The following CCDC25 variants were observed in gnomAD, a reference collection of about 807,000 sequenced individuals.
CCDC25 encodes coiled-coil domain containing 25.
A neutral mutation model predicts 35.3 loss-of-function variants in CCDC25; 16 were observed. The observed-to-expected ratio is 0.45, with a 90% CI of 0.31 to 0.69. The LOEUF (loss-of-function observed/expected upper bound fraction) is 0.69, where lower values mean the gene tolerates loss of function less well. CCDC25 is among the 30% of genes least tolerant of loss of function. CCDC25 has a pLI of 0.06. For missense variants in CCDC25, 179 were observed against 250.7 expected (o/e 0.71, Z 1.93); for synonymous variants, 79 against 80.3 (o/e 0.98, Z 0.09).
intron 7 of CCDC25, among the ~76,000 whole-genome samples, chr8:27,741,830 T>C (rs1434369228): frequency 2.0e-5 from 3 of 152,220 alleles, no homozygotes; most frequent in Non-Finnish European, 4.4e-5. Flanking sequence ...CCAGAGTATT[T>C]TAAGCCCATT....
intron 7 of CCDC25, among the ~76,000 whole-genome samples, chr8:27,741,829 T>G (rs1803450778): frequency 1.3e-5 from 2 of 152,164 alleles, no homozygotes; most frequent in South Asian, 4.1e-4. Context: ...ACCAGAGTAT[T>G]TTAAGCCCAT....
intron 8 of CCDC25, among the ~76,000 whole-genome samples, chr8:27,739,643 G>A (rs7819091): frequency 0.029 from 4,467 of 152,204 alleles, 238 homozygotes; most frequent in African/African-American, 0.1. Flanking sequence ...TATGTTATAT[G>A]CAAATACTAC....
At chr8:27,768,973 A>C (rs1422155261) in intron 1 of CCDC25, among the ~76,000 whole-genome samples, 1 of 152,246 alleles carries the variant, frequency 6.6e-6, no homozygotes, top group Non-Finnish European at 1.5e-5. Context: ...AAAATGGAAC[A>C]CATTTTAGTC....
intron 2 of CCDC25, among the ~76,000 whole-genome samples, chr8:27,763,733 T>G (rs1563458675): frequency 6.6e-6 from 1 of 151,888 alleles, no homozygotes; most frequent in Non-Finnish European, 1.5e-5. Flanking sequence ...AATAAATAAA[T>G]AAATAAATTG....
At chr8:27,760,275 G>C (rs562335551) in intron 3 of CCDC25, among the ~76,000 whole-genome samples, 142 of 152,318 alleles carry the variant, frequency 9.3e-4, no homozygotes, top group African/African-American at 3.2e-3. Context: ...AAGTCAGGTA[G>C]AAGGCTGTGG....
Position 27,762,410 on chromosome 8 carries a change from G to C in CCDC25, c.116+9C>G. Reference sequence around the variant, plus strand: ...ATCTACAGAGGGCAGAACCAAAATTGTTACTTACCAGATATCTTCAGGCCA... The same window carrying C: ...ATCTACAGAGGGCAGAACCAAAATTCTTACTTACCAGATATCTTCAGGCCA... On this transcript the variant is annotated intron_variant, in intron 3 of 8. Transcript: ENST00000356537. The C allele has an allele frequency of 1.2e-6, 2 of 1,612,596 alleles. No homozygotes were observed. Among genetic ancestry groups the C allele is most frequent in the Non-Finnish European group, 1.7e-6 (2 of 1,179,222 alleles).
chr8:27,739,934 T>A (rs555903663), intron 8 of CCDC25, among the ~76,000 whole-genome samples: 1 of 152,190 alleles, frequency 6.6e-6, no homozygotes, highest in African/African-American at 2.4e-5. Flanking sequence ...AGACGCAATG[T>A]TAAGAAGATC....
intron 1 of CCDC25, 113 bp from the exon 2 acceptor site, chr8:27,765,364 G>C (rs1804366226): frequency 1.2e-6 from 1 of 859,478 alleles, no homozygotes; most frequent in Admixed American, 3.8e-5. Flanking sequence ...CATGGCCCAT[G>C]ATCCAAATCC....
chr8:27,768,623 A>C (rs1804485729), intron 1 of CCDC25, among the ~76,000 whole-genome samples: 2 of 152,152 alleles, frequency 1.3e-5, no homozygotes, highest in South Asian at 4.1e-4. Context: ...TTGCTGCACA[A>C]CAAGTCTGAA....
At chr8:27,767,563 CAA>C (rs1459076191) in intron 1 of CCDC25, among the ~76,000 whole-genome samples, 3 of 152,054 alleles carry the variant, frequency 2.0e-5, no homozygotes, top group African/African-American at 4.8e-5. Flanking sequence ...CCATGAAAGA[CAA>C]AGACTGAGCA....
At chr8:27,739,398 T>C (rs958291792) in intron 8 of CCDC25, among the ~76,000 whole-genome samples, 2 of 152,102 alleles carry the variant, frequency 1.3e-5, no homozygotes, top group Non-Finnish European at 2.9e-5. Context: ...AAATCTGAGG[T>C]TTGACTAGAT....
intron 1 of CCDC25, chr8:27,772,148 G>A (rs956325359): frequency 3.5e-5 from 13 of 366,524 alleles, no homozygotes; most frequent in African/African-American, 8.3e-5. Flanking sequence ...GGTTCAGCCA[G>A]AACAAAGGCC....
At chr8:27,747,810 G>A in intron 7 of CCDC25, 1 of 426,074 alleles carries the variant, frequency 2.3e-6, no homozygotes, top group Non-Finnish European at 4.2e-6. Context: ...CCAAACTAGG[G>A]ATAACCTATG....
chr8:27,768,479 C>T (rs912755125), intron 1 of CCDC25, among the ~76,000 whole-genome samples: 6 of 149,614 alleles, frequency 4.0e-5, no homozygotes, highest in Non-Finnish European at 7.4e-5. Context: ...GCAAGAGAAT[C>T]GCTTGAACCT....
At position 27,737,871 on chromosome 8, in the gene CCDC25, T is replaced by C. The variant is rs1034593344; in HGVS notation, c.598-1626A>G. Among the ~76,000 whole-genome samples, 2 of 121,702 alleles carry C rather than the reference T, an allele frequency of 1.6e-5. No individual in the cohort carries two copies. The highest frequency in any genetic ancestry group is 6.9e-5 in the African/African-American group (2 of 29,190). 79.8% of individuals were successfully genotyped at this position (121,702 alleles called of 152,430 possible). ...GAGTGGATAAAGAAACTGTGGTGTG[T>C]GTATACACACACTCACACACACACA... On this transcript the variant is annotated intron_variant, in intron 8 of 8. Coordinates refer to ENST00000356537, the MANE Select transcript of CCDC25 (RefSeq NM_018246.3). This position sits in a 1 kb window ranked among gnomAD's most constrained non-coding sequence, Gnocchi z 4.6.
At chr8:27,753,075 G>A (rs1803872501) in intron 4 of CCDC25, 1 of 152,664 alleles carries the variant, frequency 6.6e-6, no homozygotes. Flanking sequence ...AAAAGTTATT[G>A]TTGTGTAGAT....
At chr8:27,747,959 C>CT in intron 7 of CCDC25, 118 bp downstream of exon 7, 1 of 979,750 alleles carries the variant, frequency 1.0e-6, no homozygotes, top group Non-Finnish European at 1.5e-6. Flanking sequence ...TGAGCTTAAG[C>CT]TGAGCTTGTT....
intron 1 of CCDC25, among the ~76,000 whole-genome samples, chr8:27,766,926 G>T (rs766607241): frequency 6.7e-6 from 1 of 149,466 alleles, no homozygotes; most frequent in Non-Finnish European, 1.5e-5. Flanking sequence ...GTATGTGTGT[G>T]TATATACATA....
chr8:27,740,193 T>C (rs1221501560), intron 8 of CCDC25, among the ~76,000 whole-genome samples: 5 of 152,092 alleles, frequency 3.3e-5, no homozygotes, highest in Non-Finnish European at 7.4e-5. Flanking sequence ...AAATAAAGAA[T>C]AAAGTCCTGT....
Sources: gnomAD v4.1 joint callset for allele counts (sites outside exome capture counted in the v4.1 genomes callset) on GRCh38, gnomAD v4.1.1 for gene constraint, Gnocchi (gnomAD v3.1) non-coding constraint, MANE v1.5 for transcripts, NCBI Gene and HGNC (gene_info 2026-07-23, HGNC 2026-07-21) for gene names.